The following SLC35G1 variants were observed in gnomAD, a reference collection of about 807,000 sequenced individuals.
The protein encoded by SLC35G1 is solute carrier family 35 member G1, also known as partner of STIM1.
A neutral mutation model predicts 17.1 loss-of-function variants in SLC35G1; 10 were observed. The observed-to-expected ratio is 0.59, with a 90% CI of 0.36 to 0.99. The LOEUF (loss-of-function observed/expected upper bound fraction) is 0.99. SLC35G1 is among the 50% of genes least tolerant of loss of function. The probability of loss-of-function intolerance (pLI) is 0.01; values close to 1 mark genes in which losing one functional copy is unlikely to be tolerated. For missense variants in SLC35G1, 433 were observed against 468.4 expected (o/e 0.92, Z 0.70); for synonymous variants, 185 against 181.1 (o/e 1.02, Z -0.18).
At chr10:93,895,993 ATT>A (rs113236737) in intron 1 of SLC35G1, among the ~76,000 whole-genome samples, 3 of 144,236 alleles carry the variant, frequency 2.1e-5, no homozygotes. Context: ...TTGAGAATTA[ATT>A]TTTTTTTTTT....
chr10:93,908,696 G>C (rs2060442129), downstream of SLC35G1: 1 of 152,160 alleles, frequency 6.6e-6, no homozygotes, highest in South Asian at 2.1e-4. Flanking sequence ...ACCAAATATT[G>C]TCAAGCCCTC....
In SLC35G1 at chr10:93,901,660, G is replaced by GT; in HGVS notation, c.*173dup. On this transcript the variant is annotated 3_prime_UTR_variant, in exon 3 of 3. Coordinates refer to ENST00000427197, the MANE Select transcript of SLC35G1 (RefSeq NM_001134658.3). The stretch of plus-strand genomic sequence containing the variant: ...GTCTTTAGTTAAGAATAGCTAGTCT[G>GT]TTTGGTGTAACAATTTTTTGGTAGC... 1.4e-6 allele frequency: 1 copy of GT among 720,054 alleles called. No individual in the cohort carries two copies. Among genetic ancestry groups the GT allele is most frequent in the South Asian group, 5.4e-5 (1 of 18,580 alleles). The allele number at this position is 720,054 out of a possible 1,614,324, so 44.6% of individuals were successfully genotyped here.
rs541249362 is a variant in SLC35G1, at chr10:93,894,641, G to A, written c.178+430G>A. 1.7e-4 allele frequency among the ~76,000 whole-genome samples: 26 copies of A among 152,268 alleles called. No individual in the cohort carries two copies. In the South Asian group the frequency reaches 5.0e-3, roughly 29 times the overall value. On this transcript the variant is annotated intron_variant, in intron 1 of 2. Transcript: ENST00000427197. ...TTCTCTCCGAAAAGGAAGCTGAAAAGCATCGAGTCTAGAAAAAATGTTCGT... is the reference window on the plus strand; with the variant it reads ...TTCTCTCCGAAAAGGAAGCTGAAAAACATCGAGTCTAGAAAAAATGTTCGT...
downstream of SLC35G1, chr10:93,903,967 G>A (rs1282173067): frequency 6.6e-6 from 1 of 151,818 alleles, no homozygotes; most frequent in East Asian, 1.9e-4. Flanking sequence ...TGACCCACTT[G>A]TACTATCAAG....
rs2060398824 is a variant in SLC35G1, at chr10:93,902,527, A to G, written c.*1037A>G. 1.3e-5 allele frequency: 2 copies of G among 152,604 alleles called. No homozygotes were observed. Among genetic ancestry groups the G allele is most frequent in the Non-Finnish European group, 2.9e-5 (2 of 68,032 alleles). The allele number at this position is 152,604 out of a possible 1,614,324, so 9.5% of individuals were successfully genotyped here. A position where few individuals can be genotyped will look rare whatever the true frequency, so the allele number is the denominator to read the frequency against. On this transcript the variant is annotated 3_prime_UTR_variant, in exon 3 of 3. Transcript: ENST00000427197. ...ATGATTCACCCTAATAGATACCTCC[A>G]TTATTCTCTAAATGAAATAGAAGAC...
intron 1 of SLC35G1, among the ~76,000 whole-genome samples, chr10:93,896,067 G>A (rs967960826): frequency 1.3e-5 from 2 of 151,418 alleles, no homozygotes; most frequent in African/African-American, 2.4e-5. Context: ...CACAGCTCAC[G>A]GCGACCTCAA....
chr10:93,898,312 G>C (rs768150989), intron 1 of SLC35G1, among the ~76,000 whole-genome samples: 1 of 152,186 alleles, frequency 6.6e-6, no homozygotes, highest in Non-Finnish European at 1.5e-5. Context: ...TGTAAGTGAG[G>C]ATGATTCTTC....
rs1457643425 is a variant in SLC35G1, at chr10:93,896,139, C to T, written c.178+1928C>T. Among the ~76,000 whole-genome samples the T allele has an allele frequency of 3.3e-5, 5 of 152,060 alleles. No individual in the cohort carries two copies. In the East Asian group the frequency reaches 7.7e-4, roughly 23 times the overall value. ...CTGAGTAGCTGGGACCACAGGCACA[C>T]ACCACCACACCCGACTAATTTAAAA... On this transcript the variant is annotated intron_variant, in intron 1 of 2. Transcript: ENST00000427197.
rs1279173826 is a variant in SLC35G1 at position 93,902,292 on chromosome 10, T to A, written c.*802T>A. The A allele has an allele frequency of 6.6e-6, 1 of 152,604 alleles. No individual in the cohort carries two copies. The highest frequency in any genetic ancestry group is 2.4e-5 in the African/African-American group (1 of 41,456). The allele number at this position is 152,604 out of a possible 1,614,324, so 9.5% of individuals were successfully genotyped here. Reference sequence around the variant, plus strand: ...TTTCTTAACATTCCAAGATTTCAGATCTCTAAATCACAAAGAGAAATCTTG... The same window carrying A: ...TTTCTTAACATTCCAAGATTTCAGAACTCTAAATCACAAAGAGAAATCTTG... On this transcript the variant is annotated 3_prime_UTR_variant, in exon 3 of 3. Coordinates refer to ENST00000427197, the MANE Select transcript of SLC35G1 (RefSeq NM_001134658.3).
intron 1 of SLC35G1, among the ~76,000 whole-genome samples, chr10:93,897,203 G>T (rs7917744): frequency 0.55 from 83,169 of 151,950 alleles, 23,623 homozygotes; most frequent in East Asian, 0.85. Context: ...AGGTAGAGAA[G>T]GGTGCCTTTG....
In SLC35G1 at chr10:93,901,655, A is replaced by G. The variant is rs2060386058; in HGVS notation, c.*165A>G. 2 of 771,790 alleles carry G rather than the reference A, an allele frequency of 2.6e-6. No homozygotes were observed. Among genetic ancestry groups the G allele is most frequent in the Non-Finnish European group, 3.6e-6 (2 of 550,106 alleles). The allele number at this position is 771,790 out of a possible 1,614,324, so 47.8% of individuals were successfully genotyped here. A position where few individuals can be genotyped will look rare whatever the true frequency, so the allele number is the denominator to read the frequency against. On this transcript the variant is annotated 3_prime_UTR_variant, in exon 3 of 3. Coordinates refer to ENST00000427197, the MANE Select transcript of SLC35G1 (RefSeq NM_001134658.3). The stretch of plus-strand genomic sequence containing the variant: ...AGTATGTCTTTAGTTAAGAATAGCT[A>G]GTCTGTTTGGTGTAACAATTTTTTG...
chr10:93,894,995 C>T (rs559450615), intron 1 of SLC35G1, among the ~76,000 whole-genome samples: 1 of 152,302 alleles, frequency 6.6e-6, no homozygotes, highest in Non-Finnish European at 1.5e-5. Flanking sequence ...TGCCATATAC[C>T]GGCCTAGGGC....
chr10:93,901,866 C>G lies in SLC35G1; in HGVS notation c.*376C>G, dbSNP rs1402855227. 6.1e-6 allele frequency: 1 copy of G among 164,362 alleles called. No individual in the cohort carries two copies. The highest frequency in any genetic ancestry group is 2.4e-5 in the African/African-American group (1 of 41,838). The allele number at this position is 164,362 out of a possible 1,614,324, so 10.2% of individuals were successfully genotyped here. The stretch of plus-strand genomic sequence containing the variant: ...GAGGCTATTTTAGATATTCTTTTAG[C>G]AGTGTAGAGCCTAAGAAACTTGGTT... On this transcript the variant is annotated 3_prime_UTR_variant, in exon 3 of 3. Transcript: ENST00000427197.
chr10:93,904,645 G>A (rs1245016315), downstream of SLC35G1, among the ~76,000 whole-genome samples: 3 of 152,158 alleles, frequency 2.0e-5, no homozygotes, highest in African/African-American at 7.2e-5. Context: ...TTGGAAGAGT[G>A]GGTAAAGCAC....
chr10:93,898,703 G>A lies in SLC35G1; in HGVS notation c.311G>A (p.Arg104Gln), dbSNP rs781104049. ...DVHAVEISAF[R>Q]CVFQMLVVIP... The stretch of plus-strand genomic sequence containing the variant: ...CATGCTGTAGAGATTAGTGCGTTTC[G>A]ATGTGTGTTCCAAATGCTAGTTGTT... The change falls in exon 2 of 3, where the codon CGA (arginine) becomes CAA (glutamine). Residue 104 changes from arginine to glutamine, a missense_variant. Transcript: ENST00000427197. 22 of 1,612,312 alleles carry A rather than the reference G, an allele frequency of 1.4e-5. No homozygotes were observed. The highest frequency in any genetic ancestry group is 6.7e-5 in the Admixed American group (4 of 59,612).
Position 93,900,839 on chromosome 10 carries a change from T to C in SLC35G1, c.447T>C (p.Tyr149=). Reference sequence around the variant, plus strand: ...CTACCGCCATGATGCTTATATACTATGCTTACCAGACAATGTCCCTCGCTG... The same window carrying C: ...CTACCGCCATGATGCTTATATACTACGCTTACCAGACAATGTCCCTCGCTG... The part of the protein sequence containing the change: ...LGSTAMMLIY[Y]AYQTMSLADA... The change falls in exon 3 of 3, where the codon TAT becomes TAC. Residue 149 remains tyrosine, a synonymous_variant. Coordinates refer to ENST00000427197, the MANE Select transcript of SLC35G1 (RefSeq NM_001134658.3). 6.2e-7 allele frequency: 1 copy of C among 1,614,132 alleles called. No homozygotes were observed. Among genetic ancestry groups the C allele is most frequent in the Non-Finnish European group, 8.5e-7 (1 of 1,179,958 alleles).
intron 1 of SLC35G1, among the ~76,000 whole-genome samples, chr10:93,897,376 T>G (rs184700039): frequency 1.6e-4 from 24 of 152,342 alleles, no homozygotes; most frequent in Admixed American, 7.8e-4. Flanking sequence ...ACAATACTGT[T>G]TTATAGCTAT....
chr10:93,904,212 G>A (rs11187727), downstream of SLC35G1, among the ~76,000 whole-genome samples: 4,840 of 152,114 alleles, frequency 0.032, 250 homozygotes, highest in African/African-American at 0.11. Flanking sequence ...CACCATCTTA[G>A]CCCAAGACTT....
At chr10:93,895,208 C>T (rs539209617) in intron 1 of SLC35G1, among the ~76,000 whole-genome samples, 81 of 152,312 alleles carry the variant, frequency 5.3e-4, no homozygotes, top group African/African-American at 1.8e-3. Flanking sequence ...TGCGCTTTCC[C>T]CTCCTCCCTT....
Sources: gnomAD v4.1 joint callset for allele counts (sites outside exome capture counted in the v4.1 genomes callset) on GRCh38, gnomAD v4.1.1 for gene constraint, MANE v1.5 for transcripts, NCBI Gene and HGNC (gene_info 2026-07-23, HGNC 2026-07-21) for gene names.